MARCHF1: variants seen among roughly 807,000 people sequenced by gnomAD.
MARCHF1 encodes the protein membrane associated ring-CH-type finger 1.
In MARCHF1, 40 loss-of-function variants were observed where a neutral mutation model predicts 54.2. The ratio of observed to expected loss-of-function variants is 0.74; its 90% CI spans 0.57 to 0.96. The LOEUF (loss-of-function observed/expected upper bound fraction) is 0.96, where lower values mean the gene tolerates loss of function less well. Ranked by LOEUF, MARCHF1 falls within the 40% of genes least tolerant of loss-of-function variation. The pLI, the probability that MARCHF1 is intolerant of heterozygous loss-of-function variation, is 0.00. For missense variants in MARCHF1, 586 were observed against 656.5 expected (o/e 0.89, Z 1.17); for synonymous variants, 236 against 236.3 (o/e 1.00, Z 0.01).
At chr4:164,214,963 G>T (rs1404942389) in intron 1 of MARCHF1, among the ~76,000 whole-genome samples, 1 of 152,156 alleles carries the variant, frequency 6.6e-6, no homozygotes, top group Non-Finnish European at 1.5e-5. Flanking sequence ...CAGGCTGTGG[G>T]GCTCTGACCC....
chr4:164,233,324 T>C (rs1732465799), intron 1 of MARCHF1, among the ~76,000 whole-genome samples: 1 of 152,192 alleles, frequency 6.6e-6, no homozygotes, highest in Non-Finnish European at 1.5e-5. Context: ...ATTTCTGTCT[T>C]ATTAACCTGC....
In MARCHF1 at chr4:163,613,383, G is replaced by A; in HGVS notation, c.173C>T (p.Pro58Leu). 1.2e-6 allele frequency: 2 copies of A among 1,613,278 alleles called. No homozygotes were observed. Among genetic ancestry groups the A allele is most frequent in the Non-Finnish European group, 1.7e-6 (2 of 1,179,524 alleles). Residue 58 changes from proline to leucine, a missense_variant, in exon 6 of 10, where the codon CCA becomes CTA. Coordinates refer to ENST00000514618, the MANE Select transcript of MARCHF1 (RefSeq NM_001394959.1). ...GCTCCTGGGAGCTGTCCCTGTTGTTGGGCTGCTTGCCTGGAGAAACAAGTT... is the reference window on the plus strand; with the variant it reads ...GCTCCTGGGAGCTGTCCCTGTTGTTAGGCTGCTTGCCTGGAGAAACAAGTT... ...RSSNISKASS[P>L]TTGTAPRSQS...
At chr4:164,352,678 C>A (rs1356478988) in intron 1 of MARCHF1, among the ~76,000 whole-genome samples, 2 of 150,314 alleles carry the variant, frequency 1.3e-5, no homozygotes, top group Non-Finnish European at 3.0e-5. Flanking sequence ...TAAAGACCAT[C>A]GAGGCTAGGA....
In MARCHF1 at chr4:163,616,718, A is replaced by AACACACAC. The variant is rs139197153; in HGVS notation, c.163-3333_163-3326dup. Among the ~76,000 whole-genome samples, 101 of 150,954 alleles carry AACACACAC rather than the reference A, an allele frequency of 6.7e-4. 1 individual carries two copies. The highest frequency in any genetic ancestry group is 2.3e-3 in the African/African-American group (93 of 41,158). ...ACATAGTGAGACCCCTGTCTCTGAAAACACACACACACACACACAAAAGTA... is the reference window on the plus strand; with the variant it reads ...ACATAGTGAGACCCCTGTCTCTGAAAACACACACACACACACACACACACACAAAAGTA... On this transcript the variant is annotated intron_variant, in intron 5 of 9. Coordinates refer to ENST00000514618, the MANE Select transcript of MARCHF1 (RefSeq NM_001394959.1).
intron 1 of MARCHF1, among the ~76,000 whole-genome samples, chr4:164,266,328 AAT>A (rs1733610009): frequency 6.6e-6 from 1 of 152,202 alleles, no homozygotes; most frequent in African/African-American, 2.4e-5. Flanking sequence ...TGTTACTAAG[AAT>A]CAAGAGAGAT....
chr4:163,767,339 T>A (rs77179910), intron 4 of MARCHF1, among the ~76,000 whole-genome samples: 2 of 133,484 alleles, frequency 1.5e-5, no homozygotes, highest in Non-Finnish European at 3.4e-5. Flanking sequence ...TTGCATTGCC[T>A]TTTTTTTTTT....
chr4:164,016,333 C>T (rs1041047423), intron 2 of MARCHF1, among the ~76,000 whole-genome samples: 4 of 152,116 alleles, frequency 2.6e-5, no homozygotes, highest in African/African-American at 9.7e-5. Flanking sequence ...TGAGAACTCA[C>T]TATCACAAGA....
chr4:163,815,234 A>T (rs1401507206), intron 4 of MARCHF1, among the ~76,000 whole-genome samples: 1 of 152,190 alleles, frequency 6.6e-6, no homozygotes, highest in Non-Finnish European at 1.5e-5. Flanking sequence ...ACTCCCTAAA[A>T]TCCTAGTGAT....
chr4:163,978,436 C>T (rs908442615), intron 3 of MARCHF1, among the ~76,000 whole-genome samples: 4 of 152,004 alleles, frequency 2.6e-5, no homozygotes, highest in Non-Finnish European at 4.4e-5. Context: ...TTATTTTATC[C>T]GAGTAAATCT....
chr4:164,179,151 G>A (rs1050977197), intron 1 of MARCHF1, among the ~76,000 whole-genome samples: 1 of 152,154 alleles, frequency 6.6e-6, no homozygotes, highest in Non-Finnish European at 1.5e-5. Flanking sequence ...TTTGCCAGGG[G>A]CATAATCCCA....
At chr4:163,546,818 A>G (rs749339908) in intron 8 of MARCHF1, among the ~76,000 whole-genome samples, 19 of 152,236 alleles carry the variant, frequency 1.2e-4, no homozygotes, top group Non-Finnish European at 2.4e-4. Flanking sequence ...TATGGTCTCC[A>G]TAAGGGAATA....
intron 4 of MARCHF1, among the ~76,000 whole-genome samples, chr4:163,758,826 TTTTC>T (rs1251088273): frequency 2.0e-5 from 3 of 152,334 alleles, no homozygotes; most frequent in Non-Finnish European, 2.9e-5. Flanking sequence ...CCTCTTGTTT[TTTTC>T]TTTGATATTG....
At chr4:164,276,004 G>A (rs1560984233) in intron 1 of MARCHF1, among the ~76,000 whole-genome samples, 1 of 152,108 alleles carries the variant, frequency 6.6e-6, no homozygotes, top group Non-Finnish European at 1.5e-5. Context: ...TATCTCAACT[G>A]CTTCTAAACA....
intron 1 of MARCHF1, among the ~76,000 whole-genome samples, chr4:164,376,886 G>T (rs534379331): frequency 6.6e-6 from 1 of 152,160 alleles, no homozygotes; most frequent in African/African-American, 2.4e-5. Flanking sequence ...CAGGACATCC[G>T]GCAGGGTCCA....
At chr4:163,865,638 T>C (rs901374818) in intron 3 of MARCHF1, among the ~76,000 whole-genome samples, 6 of 151,950 alleles carry the variant, frequency 3.9e-5, no homozygotes, top group Admixed American at 2.0e-4. Context: ...GAAAGACCTA[T>C]GGCTTTATAA....
rs1354714740 is a variant in MARCHF1, at chr4:163,524,843, A to C, written c.*3905T>G. The C allele has an allele frequency of 6.6e-6, 1 of 152,220 alleles. No individual in the cohort carries two copies. The highest frequency in any genetic ancestry group is 1.5e-5 in the Non-Finnish European group (1 of 68,036). The allele number at this position is 152,220 out of a possible 1,614,324, so 9.4% of individuals were successfully genotyped here. ...TGTTAATGCAAGAGAATTATGTAAAACCAAAATAGTACAAATGCCTAATTT... is the reference window on the plus strand; with the variant it reads ...TGTTAATGCAAGAGAATTATGTAAACCCAAAATAGTACAAATGCCTAATTT... On this transcript the variant is annotated 3_prime_UTR_variant, in exon 10 of 10. Coordinates refer to ENST00000514618, the MANE Select transcript of MARCHF1 (RefSeq NM_001394959.1).
At position 164,351,741 on chromosome 4, in the gene MARCHF1, G is replaced by A. The variant is rs1354836602; in HGVS notation, c.-323+32129C>T. ...AAAGGAACGCAGTTTCTCACCAGCAGCGGAACAAAGCTGGATGGAGAATGA... is the reference window on the plus strand; with the variant it reads ...AAAGGAACGCAGTTTCTCACCAGCAACGGAACAAAGCTGGATGGAGAATGA... On this transcript the variant is annotated intron_variant, in intron 1 of 9. Coordinates refer to ENST00000514618, the MANE Select transcript of MARCHF1 (RefSeq NM_001394959.1). Among the ~76,000 whole-genome samples the A allele has an allele frequency of 2.8e-3, 426 of 151,768 alleles. 3 individuals are homozygous for A. The highest frequency in any genetic ancestry group is 9.2e-3 in the African/African-American group (378 of 41,120).
intron 1 of MARCHF1, among the ~76,000 whole-genome samples, chr4:164,223,094 A>T (rs550887542): frequency 6.6e-6 from 1 of 152,132 alleles, no homozygotes; most frequent in African/African-American, 2.4e-5. Flanking sequence ...TATAGGGGAC[A>T]TAGCCCCCAT....
chr4:164,141,496 T>C (rs1756533774), intron 1 of MARCHF1, among the ~76,000 whole-genome samples: 1 of 152,234 alleles, frequency 6.6e-6, no homozygotes, highest in Non-Finnish European at 1.5e-5. Context: ...ATCAGGCTCC[T>C]AGCTATTCCT....
Sources: allele counts gnomAD v4.1 joint callset (sites outside exome capture counted in the v4.1 genomes callset), GRCh38; gene constraint gnomAD v4.1.1; transcripts MANE v1.5; gene names NCBI Gene and HGNC (gene_info 2026-07-23, HGNC 2026-07-21).